The following EBF4 variants were observed in gnomAD, a reference collection of about 807,000 sequenced individuals.
EBF4 encodes EBF transcription factor 4.
In EBF4, 34 loss-of-function variants were observed where a neutral mutation model predicts 67.1. The observed-to-expected ratio is 0.51, with a 90% confidence interval of 0.39 to 0.67. The LOEUF (loss-of-function observed/expected upper bound fraction) is 0.67, where lower values mean the gene tolerates loss of function less well. Among genes scored for constraint, EBF4 ranks in the 30% least tolerant of loss-of-function variants. EBF4 has a pLI of 0.00. For missense variants in EBF4, 837 were observed against 873.3 expected (o/e 0.96, Z 0.52); for synonymous variants, 387 against 377.7 (o/e 1.02, Z -0.29).
intron 6 of EBF4, among the ~76,000 whole-genome samples, chr20:2,748,283 T>A (rs1443965378): frequency 5.9e-5 from 9 of 152,168 alleles, no homozygotes; most frequent in Non-Finnish European, 1.3e-4. Context: ...GTGCTAAGTA[T>A]ACACTTTGTG....
chr20:2,709,629 G>T (rs750568027), exon 6 of EBF4: 2 of 1,553,570 alleles, frequency 1.3e-6, no homozygotes, highest in Non-Finnish European at 1.7e-6. Flanking sequence ...CTCAGACCCC[G>T]TCATCATTGA....
rs549623084 is a variant in EBF4 at position 2,750,096 on chromosome 20, A to T, written c.1018+123A>T. ...TCTACGCTGTGGCCACGACCCCTAG[A>T]CGGCCCCGGGCCCCTTTAACCACCT... On this transcript the variant is annotated intron_variant, in intron 10 of 16. Transcript: ENST00000609451. The T allele has an allele frequency of 5.7e-4, 793 of 1,385,096 alleles. 3 individuals carry two copies. Among genetic ancestry groups the T allele is most frequent in the South Asian group, 3.9e-3 (251 of 65,178 alleles). The allele number at this position is 1,385,096 out of a possible 1,614,324, so 85.8% of individuals were successfully genotyped here.
At chr20:2,723,772 G>T (rs2087715164) in intron 6 of EBF4, among the ~76,000 whole-genome samples, 2 of 139,322 alleles carry the variant, frequency 1.4e-5, no homozygotes, top group Admixed American at 6.9e-5. Flanking sequence ...GTGTATAGGT[G>T]ACAAATAAAA....
In EBF4 at chr20:2,709,684, G is replaced by A. The variant is rs547107711; in HGVS notation, c.557+42G>A. 3.5e-5 allele frequency: 52 copies of A among 1,487,196 alleles called. No homozygotes were observed. In the African/African-American group the frequency reaches 7.1e-4, roughly 20 times the overall value. The allele number at this position is 1,487,196 out of a possible 1,614,324, so 92.1% of individuals were successfully genotyped here. A position where few individuals can be genotyped will look rare whatever the true frequency, so the allele number is the denominator to read the frequency against. On this transcript the variant is annotated intron_variant, in intron 6 of 16. Transcript: ENST00000609451. ...GGGGCCTGGAAGCTCAGAGGAGAGTGGGGGAGGGGCAGCTGTTTTCAACCA... is the reference window on the plus strand; with the variant it reads ...GGGGCCTGGAAGCTCAGAGGAGAGTAGGGGAGGGGCAGCTGTTTTCAACCA...
intron 6 of EBF4, among the ~76,000 whole-genome samples, chr20:2,740,156 T>C (rs1249494882): frequency 2.0e-5 from 3 of 152,072 alleles, no homozygotes; most frequent in Non-Finnish European, 2.9e-5. Flanking sequence ...CTACTAAAAA[T>C]ACAAAAATTA....
intron 6 of EBF4, among the ~76,000 whole-genome samples, chr20:2,727,525 TA>T (rs2087761725): frequency 6.6e-6 from 1 of 152,232 alleles, no homozygotes. Flanking sequence ...TTGGTTAAAA[TA>T]AATCCACATA....
intron 6 of EBF4, among the ~76,000 whole-genome samples, chr20:2,733,945 A>C (rs1192358700): frequency 1.3e-5 from 2 of 152,046 alleles, no homozygotes; most frequent in Non-Finnish European, 2.9e-5. Context: ...AGGTATTTTT[A>C]AATTTTACTT....
exon 16 of EBF4, chr20:2,758,955 G>C: frequency 6.4e-7 from 1 of 1,551,804 alleles, no homozygotes. Context: ...CAGCCCGGGG[G>C]CTTCAGGGCC....
intron 6 of EBF4, among the ~76,000 whole-genome samples, chr20:2,719,579 A>G (rs2146419414): frequency 6.6e-6 from 1 of 151,952 alleles, no homozygotes; most frequent in Middle Eastern, 3.4e-3. Context: ...GGCCTTTTGT[A>G]TTTTTTGTAG....
chr20:2,752,343 GCT>G lies in EBF4; in HGVS notation c.1352-6_1352-5del, dbSNP rs1225267134. ...GCCGGCACCGCCCCCTGACGGCCGC[GCT>G]CTCTCTCGCAGGCTACGCGCGCAGC... is the stretch of plus-strand genomic sequence containing the variant. On this transcript the variant is annotated splice_polypyrimidine_tract_variant and intron_variant, in intron 13 of 16. Transcript: ENST00000609451. The G allele has an allele frequency of 1.2e-5, 14 of 1,200,616 alleles. No individual in the cohort carries two copies. The highest frequency in any genetic ancestry group is 3.3e-4 in the Middle Eastern group (1 of 3,028). The allele number at this position is 1,200,616 out of a possible 1,614,324, so 74.4% of individuals were successfully genotyped here.
At chr20:2,723,688 A>T (rs1365942404) in intron 6 of EBF4, among the ~76,000 whole-genome samples, 1 of 152,134 alleles carries the variant, frequency 6.6e-6, no homozygotes, top group African/African-American at 2.4e-5. Flanking sequence ...GGATTTTTTA[A>T]ATCTAGTCTA....
At chr20:2,759,155 T>C in intron 16 of EBF4, 113 bp from the exon 17 acceptor site, 1 of 661,110 alleles carries the variant, frequency 1.5e-6, no homozygotes, top group Non-Finnish European at 2.5e-6. Context: ...CTTTCTGAGG[T>C]ACTTGGCCCA....
At chr20:2,750,074 A>C in intron 10 of EBF4, 101 bp downstream of exon 10, 1 of 1,443,740 alleles carries the variant, frequency 6.9e-7, no homozygotes, top group Non-Finnish European at 9.1e-7. Flanking sequence ...GCCGAGCTCT[A>C]CGCTGTGGCC....
intron 15 of EBF4, among the ~76,000 whole-genome samples, chr20:2,757,805 G>C (rs1279253804): frequency 6.6e-6 from 1 of 152,094 alleles, no homozygotes; most frequent in African/African-American, 2.4e-5. Flanking sequence ...AAATGAGCTG[G>C]GTGTGGTGGC....
intron 6 of EBF4, among the ~76,000 whole-genome samples, chr20:2,744,258 A>G (rs1030565381): frequency 2.0e-5 from 3 of 150,802 alleles, no homozygotes; most frequent in African/African-American, 7.3e-5. Context: ...TTTTTATATC[A>G]GGTCATCAAA....
intron 6 of EBF4, among the ~76,000 whole-genome samples, chr20:2,744,021 T>A (rs1467617424): frequency 6.6e-6 from 1 of 152,132 alleles, no homozygotes; most frequent in East Asian, 1.9e-4. Context: ...CCCTTCCCAG[T>A]CTTTATTATC....
rs1312994766 is a variant in EBF4 at position 2,749,527 on chromosome 20, C to G, written c.757+9C>G. 6.5e-7 allele frequency: 1 copy of G among 1,543,968 alleles called. No individual in the cohort carries two copies. Among genetic ancestry groups the G allele is most frequent in the South Asian group, 1.2e-5 (1 of 83,556 alleles). On this transcript the variant is annotated intron_variant, in intron 8 of 16. Transcript: ENST00000609451. ...CCTGGACCCCTCCGAAGGTCAGGACCCCCGGCCCAGCCCCGGCCGCCGCGG... is the reference window on the plus strand; with the variant it reads ...CCTGGACCCCTCCGAAGGTCAGGACGCCCGGCCCAGCCCCGGCCGCCGCGG...
In EBF4 at chr20:2,705,086, G is replaced by A. The variant is rs573943512; in HGVS notation, c.138-491G>A. 2.0e-5 allele frequency among the ~76,000 whole-genome samples: 3 copies of A among 152,340 alleles called. No homozygotes were observed. In the East Asian group the frequency reaches 5.8e-4, roughly 29 times the overall value. On this transcript the variant is annotated intron_variant, in intron 1 of 16. Transcript: ENST00000609451. The stretch of plus-strand genomic sequence containing the variant: ...CTGAGCCAGTTTGATGCCTCCAAGG[G>A]TCTGATGGACATCGCCATTCCCCAG...
At chr20:2,712,327 G>A (rs538052075) in intron 6 of EBF4, among the ~76,000 whole-genome samples, 2 of 152,290 alleles carry the variant, frequency 1.3e-5, no homozygotes, top group South Asian at 2.1e-4. Flanking sequence ...ATGCTATAGG[G>A]GAGGTTGTAA....
Sources: gnomAD v4.1 joint callset for allele counts (sites outside exome capture counted in the v4.1 genomes callset) on GRCh38, gnomAD v4.1.1 for gene constraint, MANE v1.5 for transcripts, NCBI Gene and HGNC (gene_info 2026-07-23, HGNC 2026-07-21) for gene names.